The following SLC12A1 variants were observed in gnomAD, a reference collection of about 807,000 sequenced individuals.
SLC12A1 encodes Na-K-2Cl cotransporter.
In SLC12A1, 89 loss-of-function variants were observed where a neutral mutation model predicts 130.4. The ratio of observed to expected loss-of-function variants is 0.68; its 90% CI spans 0.58 to 0.81. The LOEUF is 0.81. Among genes scored for constraint, SLC12A1 ranks in the 40% least tolerant of loss-of-function variants. The probability of loss-of-function intolerance (pLI) is 0.00; values close to 1 mark genes in which losing one functional copy is unlikely to be tolerated. For synonymous variants in SLC12A1, 499 were observed against 460.0 expected (o/e 1.08, Z -1.09); for missense variants, 1,310 against 1,336.4 (o/e 0.98, Z 0.31).
intron 5 of SLC12A1, chr15:48,227,502 A>C: frequency 3.0e-6 from 1 of 334,164 alleles, no homozygotes. Context: ...TCCTCTCAGC[A>C]TGGGTCTTCT....
chr15:48,274,767 C>G, intron 20 of SLC12A1, 114 bp downstream of exon 20: 1 of 646,984 alleles, frequency 1.5e-6, no homozygotes, highest in South Asian at 2.0e-5. Flanking sequence ...GACAGTGGAG[C>G]TTACATTCTA....
chr15:48,295,533 T>C (rs1311789182), intron 24 of SLC12A1, among the ~76,000 whole-genome samples: 1 of 152,218 alleles, frequency 6.6e-6, no homozygotes, highest in Non-Finnish European at 1.5e-5. Context: ...GTGACCTTTG[T>C]CCCAAGATGT....
At chr15:48,294,554 T>C in intron 24 of SLC12A1, among the ~76,000 whole-genome samples, 1 of 152,216 alleles carries the variant, frequency 6.6e-6, no homozygotes, top group East Asian at 1.9e-4. Flanking sequence ...GGAATTAACA[T>C]TCTGATATGA....
intron 16 of SLC12A1, among the ~76,000 whole-genome samples, chr15:48,258,781 TCA>T (rs1555384298): frequency 4.6e-5 from 7 of 152,164 alleles, no homozygotes; most frequent in Non-Finnish European, 1.0e-4. Context: ...TTTAATAGAC[TCA>T]CAGTTCCACA....
chr15:48,289,421 ATATAT>A (rs2042095305), intron 23 of SLC12A1, among the ~76,000 whole-genome samples: 1 of 127,928 alleles, frequency 7.8e-6, no homozygotes, highest in Non-Finnish European at 1.6e-5. Flanking sequence ...ATATATATAT[ATATAT>A]ATAATGTATA....
chr15:48,282,723 T>C (rs1284401124), intron 20 of SLC12A1, among the ~76,000 whole-genome samples: 1 of 152,146 alleles, frequency 6.6e-6, no homozygotes, highest in African/African-American at 2.4e-5. Context: ...CCTTTTAAAA[T>C]GACATGTTGG....
intron 21 of SLC12A1, among the ~76,000 whole-genome samples, chr15:48,287,802 A>G (rs2042075227): frequency 6.6e-6 from 1 of 152,228 alleles, no homozygotes; most frequent in Admixed American, 6.5e-5. Context: ...AATAAAAACT[A>G]TTATTATAAA....
At chr15:48,229,351 T>G in intron 6 of SLC12A1, 23 bp downstream of exon 6, 1 of 1,570,806 alleles carries the variant, frequency 6.4e-7, no homozygotes, top group Non-Finnish European at 8.6e-7. Context: ...TTTTCTTTTT[T>G]TCTGCCAAGC....
At chr15:48,236,981 C>T (rs1258790243) in intron 9 of SLC12A1, 2 of 702,234 alleles carry the variant, frequency 2.8e-6, no homozygotes, top group Non-Finnish European at 5.2e-6. Context: ...TGCCTGTTCA[C>T]ACCAGGCACT....
chr15:48,242,459 C>T (rs1325412696), intron 10 of SLC12A1, among the ~76,000 whole-genome samples: 1 of 152,128 alleles, frequency 6.6e-6, no homozygotes, highest in South Asian at 2.1e-4. Context: ...AACTTAAATC[C>T]TTCCCTGTCT....
At chr15:48,237,827 G>C (rs945941181) in intron 9 of SLC12A1, among the ~76,000 whole-genome samples, 1 of 152,154 alleles carries the variant, frequency 6.6e-6, no homozygotes, top group African/African-American at 2.4e-5. Context: ...GTGTGTTAGA[G>C]AGAGCCTGCT....
chr15:48,238,535 A>G (rs921425618), intron 9 of SLC12A1, among the ~76,000 whole-genome samples: 4 of 152,156 alleles, frequency 2.6e-5, no homozygotes, highest in Admixed American at 2.6e-4. Flanking sequence ...ATGAAAATCA[A>G]GAGAGGAGAA....
At chr15:48,267,515 A>G (rs2041844730) in intron 17 of SLC12A1, 46 bp from the exon 18 acceptor site, 4 of 1,606,314 alleles carry the variant, frequency 2.5e-6, no homozygotes, top group Middle Eastern at 1.7e-4. Flanking sequence ...CAGCAATGTG[A>G]TATATAATAG....
chr15:48,301,502 T>TGCGGTGGGGG (rs60810487), intron 26 of SLC12A1, 120 bp downstream of exon 26: 1 of 434,012 alleles, frequency 2.3e-6, no homozygotes, highest in African/African-American at 2.8e-5. Flanking sequence ...GTGTTTTTTT[T>TGCGGTGGGGG]GGGGGGGGGA....
At chr15:48,236,653 T>G (rs1484461036) in intron 9 of SLC12A1, among the ~76,000 whole-genome samples, 1 of 152,130 alleles carries the variant, frequency 6.6e-6, no homozygotes, top group African/African-American at 2.4e-5. Flanking sequence ...GCATTTAGAT[T>G]TTTATATTAG....
intron 17 of SLC12A1, among the ~76,000 whole-genome samples, chr15:48,260,347 AT>A (rs1597436507): frequency 2.7e-3 from 167 of 62,268 alleles, no homozygotes; most frequent in East Asian, 0.017. Context: ...CTCTCTCTCT[AT>A]CACACACACA....
chr15:48,240,653 G>A (rs1350815373), intron 9 of SLC12A1, among the ~76,000 whole-genome samples: 1 of 151,930 alleles, frequency 6.6e-6, no homozygotes, highest in Non-Finnish European at 1.5e-5. Flanking sequence ...TCTGGTGGGG[G>A]GACTCATACC....
chr15:48,265,051 A>C (rs1172851154), intron 17 of SLC12A1, among the ~76,000 whole-genome samples: 1 of 152,166 alleles, frequency 6.6e-6, no homozygotes, highest in African/African-American at 2.4e-5. Flanking sequence ...TTTTGTAACT[A>C]TGGCATATTT....
Position 48,288,107 on chromosome 15 carries a change from C to T in SLC12A1, c.2694C>T (p.Ala898=). Residue 898 remains alanine, a synonymous_variant, in exon 22 of 27, where the codon GCC becomes GCT. Transcript: ENST00000380993. ...AGTTCAACCAGAAACTGGTGGAAGC[C>T]AGCACTCAATTTAAAAAGAAACAAG... ...VGEFNQKLVE[A]STQFKKKQEK... is the part of the protein sequence containing the mutation. 1.2e-6 allele frequency: 2 copies of T among 1,610,818 alleles called. No homozygotes were observed. Among genetic ancestry groups the T allele is most frequent in the Non-Finnish European group, 8.5e-7 (1 of 1,178,530 alleles).
Sources: gnomAD v4.1 joint callset for allele counts (sites outside exome capture counted in the v4.1 genomes callset) on GRCh38, gnomAD v4.1.1 for gene constraint, MANE v1.5 for transcripts, NCBI Gene and HGNC (gene_info 2026-07-23, HGNC 2026-07-21) for gene names.